The following ROR2 variants were observed in gnomAD, a reference collection of about 807,000 sequenced individuals.
The protein encoded by ROR2 is ROR family WNT receptor 2, also known as tyrosine-protein kinase transmembrane receptor ROR2.
In ROR2, 33 loss-of-function variants were observed where a neutral mutation model predicts 74.9. The observed-to-expected ratio is 0.44, with a 90% confidence interval of 0.33 to 0.59. The LOEUF (loss-of-function observed/expected upper bound fraction) is 0.59, where lower values mean the gene tolerates loss of function less well. Ranked by LOEUF, ROR2 falls within the 20% of genes least tolerant of loss-of-function variation. ROR2 has a pLI of 0.02. For synonymous variants in ROR2, 586 were observed against 558.7 expected (o/e 1.05, Z -0.69); for missense variants, 1,216 against 1,313.8 (o/e 0.93, Z 1.15).
intron 1 of ROR2, among the ~76,000 whole-genome samples, chr9:91,869,662 G>A (rs1363302613): frequency 6.6e-6 from 1 of 152,112 alleles, no homozygotes; most frequent in East Asian, 1.9e-4. Flanking sequence ...GCCAAGGCTC[G>A]TGGGTGGAGG....
Position 91,733,951 on chromosome 9 carries a change from A to C in ROR2, c.623-515T>G, listed in dbSNP as rs1824927847. ...ACTGCAGCTGGAGGAGACAGTTGGT[A>C]AAATGCGGAAAGCCAAGAGGGTGAG... On this transcript the variant is annotated intron_variant, in intron 5 of 8. Coordinates refer to ENST00000375708, the MANE Select transcript of ROR2 (RefSeq NM_004560.4). This position sits in a 1 kb window ranked among gnomAD's most constrained non-coding sequence, Gnocchi z 5.7. 6.6e-6 allele frequency among the ~76,000 whole-genome samples: 1 copy of C among 152,182 alleles called. No individual in the cohort carries two copies. The highest frequency in any genetic ancestry group is 1.5e-5 in the Non-Finnish European group (1 of 68,036).
At chr9:91,946,530 G>C (rs1338224673) in intron 1 of ROR2, among the ~76,000 whole-genome samples, 2 of 152,226 alleles carry the variant, frequency 1.3e-5, no homozygotes, top group African/African-American at 4.8e-5. Context: ...AACACCAAAA[G>C]GAAAGGCCTG....
intron 1 of ROR2, among the ~76,000 whole-genome samples, chr9:91,808,813 T>TTTTACTAAAAATATAAAAAATATA (rs1827653027): frequency 6.6e-6 from 1 of 151,224 alleles, no homozygotes; most frequent in East Asian, 2.0e-4. Context: ...ATATTTTTTT[T>TTTTACTAAAAATATAAAAAATATA]TACTAAAAAT....
chr9:91,735,080 C>T (rs1241678894), intron 5 of ROR2, among the ~76,000 whole-genome samples: 1 of 152,228 alleles, frequency 6.6e-6, no homozygotes, highest in Non-Finnish European at 1.5e-5. Flanking sequence ...AAAGCTGTCA[C>T]TTCTCTTGGG....
At chr9:91,868,791 T>C (rs1020206438) in intron 1 of ROR2, among the ~76,000 whole-genome samples, 9 of 152,188 alleles carry the variant, frequency 5.9e-5, no homozygotes, top group African/African-American at 1.7e-4. Context: ...GTCAGCAGAC[T>C]TGCAGTGGAA....
At chr9:91,939,720 G>A (rs537070594) in intron 1 of ROR2, among the ~76,000 whole-genome samples, 1 of 152,210 alleles carries the variant, frequency 6.6e-6, no homozygotes, top group South Asian at 2.1e-4. Context: ...AAGAAGAGGG[G>A]CAGTAAACAC....
intron 1 of ROR2, among the ~76,000 whole-genome samples, chr9:91,938,367 A>C (rs915648593): frequency 5.9e-5 from 9 of 152,190 alleles, no homozygotes; most frequent in Non-Finnish European, 1.3e-4. Flanking sequence ...AGGCAGAAGA[A>C]TCAGCTTGAA....
rs569813977 is a variant in ROR2, at chr9:91,747,781, T to C, written c.494+8290A>G. 1.7e-3 allele frequency among the ~76,000 whole-genome samples: 266 copies of C among 152,208 alleles called. 1 individual carries two copies. The highest frequency in any genetic ancestry group is 6.1e-3 in the African/African-American group (252 of 41,538). The stretch of plus-strand genomic sequence containing the variant: ...GAGGAGTCAGTCTACTGAAACAGAA[T>C]CAGGGTCACTGGGGAAAAGAAACTC... On this transcript the variant is annotated intron_variant, in intron 4 of 8. Transcript: ENST00000375708.
chr9:91,785,173 T>C (rs4497030), intron 1 of ROR2, among the ~76,000 whole-genome samples: 87,243 of 152,044 alleles, frequency 0.57, 27,123 homozygotes, highest in Admixed American at 0.68. Flanking sequence ...CAATTCCAGC[T>C]GCTCCCCTGC....
rs34687056 is a variant in ROR2, at chr9:91,829,549, C to CAAAAAAAAAAAAA, written c.98-53744_98-53732dup. 3.4e-3 allele frequency among the ~76,000 whole-genome samples: 139 copies of CAAAAAAAAAAAAA among 40,496 alleles called. 28 individuals carry two copies. Among genetic ancestry groups the CAAAAAAAAAAAAA allele is most frequent in the African/African-American group, 6.7e-3 (68 of 10,190 alleles). The allele number at this position is 40,496 out of a possible 152,430, so 26.6% of individuals were successfully genotyped here. On this transcript the variant is annotated intron_variant, in intron 1 of 8. Transcript: ENST00000375708. Reference sequence around the variant, plus strand: ...TGGGTGACACAGCGAGACTCCGTCTCAAAAAAAAAAAAAAAAAAAAAAAAG... The same window carrying CAAAAAAAAAAAAA: ...TGGGTGACACAGCGAGACTCCGTCTCAAAAAAAAAAAAAAAAAAAAAAAAAAAAAAAAAAAAAG...
rs577715196 is a variant in ROR2, at chr9:91,908,979, G to C, written c.97+40888C>G. On this transcript the variant is annotated intron_variant, in intron 1 of 8. Transcript: ENST00000375708. Reference sequence around the variant, plus strand: ...GGAAGATCCAGCTGTTGTCAGTATCGAGCCAACAGAGGAATTTAAGAAGAA... The same window carrying C: ...GGAAGATCCAGCTGTTGTCAGTATCCAGCCAACAGAGGAATTTAAGAAGAA... Among the ~76,000 whole-genome samples the C allele has an allele frequency of 7.9e-5, 12 of 152,182 alleles. 1 individual carries two copies. Among genetic ancestry groups the C allele is most frequent in the Non-Finnish European group, 2.9e-5 (2 of 68,018 alleles).
At chr9:91,839,902 C>A (rs1011483399) in intron 1 of ROR2, among the ~76,000 whole-genome samples, 4 of 152,052 alleles carry the variant, frequency 2.6e-5, no homozygotes, top group Non-Finnish European at 4.4e-5. Context: ...GACACCCCAC[C>A]AAAAGTGCAC....
chr9:91,838,264 C>T (rs1186883672), intron 1 of ROR2, among the ~76,000 whole-genome samples: 2 of 152,142 alleles, frequency 1.3e-5, no homozygotes, highest in African/African-American at 4.8e-5. Flanking sequence ...AAACCAGGCA[C>T]CACCAGGCCA....
intron 1 of ROR2, among the ~76,000 whole-genome samples, chr9:91,785,079 A>G (rs1267084759): frequency 6.6e-6 from 1 of 152,146 alleles, no homozygotes; most frequent in Non-Finnish European, 1.5e-5. Context: ...ACACATGGAC[A>G]TGGGTACACA....
intron 2 of ROR2, among the ~76,000 whole-genome samples, chr9:91,768,175 G>A (rs907920406): frequency 3.9e-5 from 6 of 152,182 alleles, no homozygotes; most frequent in African/African-American, 7.2e-5. Flanking sequence ...AGAAGGAACC[G>A]ACTCTGCCAA....
intron 1 of ROR2, among the ~76,000 whole-genome samples, chr9:91,884,331 G>A (rs1830209834): frequency 6.6e-6 from 1 of 152,070 alleles, no homozygotes; most frequent in Non-Finnish European, 1.5e-5. Context: ...CAACCAGCAG[G>A]GATGTGTGTT....
At chr9:91,813,228 C>T (rs545981099) in intron 1 of ROR2, among the ~76,000 whole-genome samples, 5 of 152,256 alleles carry the variant, frequency 3.3e-5, no homozygotes, top group East Asian at 1.9e-4. Flanking sequence ...AACACATAAA[C>T]GAAATGTCGA....
rs1278227036 is a variant in ROR2, at chr9:91,909,838, G to GTT, written c.97+40027_97+40028dup. ...AATCTTTATTCTTTTTTTTTTTTAG[G>GTT]TTTGTTTTGTTTTTTTTTTTTTTTT... On this transcript the variant is annotated intron_variant, in intron 1 of 8. Coordinates refer to ENST00000375708, the MANE Select transcript of ROR2 (RefSeq NM_004560.4). Among the ~76,000 whole-genome samples, 144 of 63,148 alleles carry GTT rather than the reference G, an allele frequency of 2.3e-3. 1 individual carries two copies. The highest frequency in any genetic ancestry group is 0.012 in the Middle Eastern group (1 of 82). 41.4% of individuals were successfully genotyped at this position (63,148 alleles called of 152,430 possible).
chr9:91,811,292 G>A (rs899916179), intron 1 of ROR2, among the ~76,000 whole-genome samples: 3 of 152,324 alleles, frequency 2.0e-5, no homozygotes, highest in African/African-American at 7.2e-5. Flanking sequence ...CGGGAACCAC[G>A]GGGGAGCGCA....
Sources: allele counts gnomAD v4.1 joint callset (sites outside exome capture counted in the v4.1 genomes callset), GRCh38; gene constraint gnomAD v4.1.1; non-coding constraint Gnocchi (gnomAD v3.1); transcripts MANE v1.5; gene names NCBI Gene and HGNC (gene_info 2026-07-23, HGNC 2026-07-21).